The following CCDC141 variants were observed in gnomAD, a reference collection of about 807,000 sequenced individuals.
CCDC141 encodes the protein coiled-coil domain containing 141.
A neutral mutation model predicts 181.0 loss-of-function variants in CCDC141; 168 were observed. That is an observed-to-expected ratio of 0.93 (90% confidence interval 0.82 to 1.05). The LOEUF is 1.05. Among genes scored for constraint, CCDC141 ranks in the 50% least tolerant of loss-of-function variants. The pLI is 0.00. For missense variants in CCDC141, 1,902 were observed against 1,788.5 expected (o/e 1.06, Z -1.14); for synonymous variants, 666 against 642.3 (o/e 1.04, Z -0.56).
At chr2:178,945,950 CA>C (rs1558998697) in intron 5 of CCDC141, among the ~76,000 whole-genome samples, 1 of 151,958 alleles carries the variant, frequency 6.6e-6, no homozygotes, top group Non-Finnish European at 1.5e-5. Context: ...ACTATGCGAT[CA>C]AAAGGTCTAC....
chr2:179,007,149 G>C (rs559874488), intron 2 of CCDC141, among the ~76,000 whole-genome samples: 1 of 152,276 alleles, frequency 6.6e-6, no homozygotes, highest in Admixed American at 6.5e-5. Flanking sequence ...GAGGGTATCT[G>C]TAAAGATTCT....
At chr2:178,972,336 AC>A (rs1361390332) in intron 4 of CCDC141, among the ~76,000 whole-genome samples, 6 of 152,356 alleles carry the variant, frequency 3.9e-5, no homozygotes, top group Non-Finnish European at 7.3e-5. Flanking sequence ...GGAATTATAT[AC>A]AAATAACACG....
rs1685246514 is a variant in CCDC141, at chr2:178,853,366, T to C, written c.3244+75A>G. 2.2e-6 allele frequency: 3 copies of C among 1,364,426 alleles called. 1 individual carries two copies. In the South Asian group the frequency reaches 3.7e-5, roughly 17 times the overall value. 84.5% of individuals were successfully genotyped at this position (1,364,426 alleles called of 1,614,324 possible). ...AGGACCCTGAGGACTTGCCACACTC[T>C]TGCTGTCTACTGGATTAGGCTCAGT... On this transcript the variant is annotated intron_variant, in intron 20 of 23. Transcript: ENST00000443758.
Position 179,014,506 on chromosome 2 carries a change from C to A in CCDC141, c.225+32778G>T, listed in dbSNP as rs149759292. On this transcript the variant is annotated intron_variant, in intron 2 of 23. Transcript: ENST00000443758. ...GACAACCCACAGAGGGGGAGAAAAT[C>A]TTCACAATCTATACATCTGACAAAG... 6.2e-4 allele frequency among the ~76,000 whole-genome samples: 94 copies of A among 152,104 alleles called. No individual in the cohort carries two copies. In the East Asian group the frequency reaches 0.018, roughly 28 times the overall value.
At chr2:178,817,819 T>TCCCTCCCTCCC in the CCDC141 span, 1 of 147,614 alleles carries the variant, frequency 6.8e-6, no homozygotes, top group African/African-American at 9.4e-5. Context: ...CCCTCCCTTC[T>TCCCTCCCTCCC]TTCAATGGAG....
At chr2:178,980,258 G>A (rs866186157) in intron 2 of CCDC141, among the ~76,000 whole-genome samples, 7 of 152,046 alleles carry the variant, frequency 4.6e-5, no homozygotes, top group Middle Eastern at 3.2e-3. Flanking sequence ...GACCATCCTG[G>A]CTAACACAGT....
intron 4 of CCDC141, among the ~76,000 whole-genome samples, chr2:178,974,536 T>C (rs1421450655): frequency 1.3e-5 from 2 of 152,208 alleles, no homozygotes; most frequent in Non-Finnish European, 2.9e-5. Flanking sequence ...CAGAGGGAAC[T>C]GAAAATCTTT....
intron 2 of CCDC141, among the ~76,000 whole-genome samples, chr2:178,981,366 A>G (rs1353207918): frequency 6.9e-6 from 1 of 145,302 alleles, no homozygotes; most frequent in Non-Finnish European, 1.5e-5. Flanking sequence ...TACCTTACCA[A>G]AATTTTAAAA....
chr2:178,978,958 G>A (rs985830030), intron 2 of CCDC141, among the ~76,000 whole-genome samples: 1 of 152,122 alleles, frequency 6.6e-6, no homozygotes. Flanking sequence ...AAGGGGTATA[G>A]AATATTATGT....
intron 17 of CCDC141, among the ~76,000 whole-genome samples, chr2:178,860,907 T>C (rs1575140177): frequency 6.6e-6 from 1 of 152,222 alleles, no homozygotes; most frequent in African/African-American, 2.4e-5. Flanking sequence ...TTTCTGAACA[T>C]GATAACCATA....
intron 2 of CCDC141, among the ~76,000 whole-genome samples, chr2:179,043,044 C>T (rs1575384074): frequency 6.6e-6 from 1 of 152,200 alleles, no homozygotes; most frequent in African/African-American, 2.4e-5. Context: ...GGGGATAGTA[C>T]AACTGACCCA....
intron 8 of CCDC141, among the ~76,000 whole-genome samples, chr2:178,893,423 T>C (rs1687250396): frequency 6.6e-6 from 1 of 152,158 alleles, no homozygotes; most frequent in Non-Finnish European, 1.5e-5. Flanking sequence ...TTTCATAAAT[T>C]ACTATTGTCA....
chr2:179,034,423 A>C (rs2043082783), intron 2 of CCDC141, among the ~76,000 whole-genome samples: 1 of 152,176 alleles, frequency 6.6e-6, no homozygotes, highest in East Asian at 1.9e-4. Flanking sequence ...TGGATGATGA[A>C]ATAATCTGTA....
chr2:178,916,257 G>C (rs1036284676), intron 7 of CCDC141, among the ~76,000 whole-genome samples: 1 of 152,076 alleles, frequency 6.6e-6, no homozygotes, highest in African/African-American at 2.4e-5. Context: ...CTTTTCACTA[G>C]TGTAAACAGA....
intron 2 of CCDC141, among the ~76,000 whole-genome samples, chr2:179,045,559 T>C (rs2043468552): frequency 6.6e-6 from 1 of 152,008 alleles, no homozygotes; most frequent in African/African-American, 2.4e-5. Context: ...ATGGTATTTC[T>C]AGTTCTAGAT....
intron 12 of CCDC141, chr2:178,877,705 T>G: frequency 5.8e-6 from 3 of 520,826 alleles, no homozygotes; most frequent in Non-Finnish European, 1.0e-5. Flanking sequence ...CTCTATTTAA[T>G]AATAACAATG....
At chr2:178,981,657 T>TATATATATATATATATATATATATATAG (rs1553495348) in intron 2 of CCDC141, among the ~76,000 whole-genome samples, 1 of 132,066 alleles carries the variant, frequency 7.6e-6, no homozygotes, top group Non-Finnish European at 1.6e-5. Context: ...TATATATATA[T>TATATATATATATATATATATATATATAG]ACATACATAT....
rs535256698 is a variant in CCDC141, at chr2:179,027,419, C to T, written c.225+19865G>A. ...CAGCATTTTGGGAGGCTGAGGCGGG[C>T]GGATCACAAGGTCAGGAGATCAAGA... On this transcript the variant is annotated intron_variant, in intron 2 of 23. Coordinates refer to ENST00000443758, the MANE Select transcript of CCDC141 (RefSeq NM_173648.4). Among the ~76,000 whole-genome samples, 38 of 151,506 alleles carry T rather than the reference C, an allele frequency of 2.5e-4. 1 individual carries two copies. The highest frequency in any genetic ancestry group is 1.5e-3 in the South Asian group (7 of 4,784).
chr2:178,920,074 G>C (rs771213839), intron 6 of CCDC141, among the ~76,000 whole-genome samples: 3 of 152,174 alleles, frequency 2.0e-5, no homozygotes, highest in Non-Finnish European at 4.4e-5. Flanking sequence ...CAAAAGTCCT[G>C]AAGTCAGACC....
Sources: gnomAD v4.1 joint callset for allele counts (sites outside exome capture counted in the v4.1 genomes callset) on GRCh38, gnomAD v4.1.1 for gene constraint, MANE v1.5 for transcripts, NCBI Gene and HGNC (gene_info 2026-07-23, HGNC 2026-07-21) for gene names.